The following CTNND2 variants were observed in gnomAD, a reference collection of about 807,000 sequenced individuals.
CTNND2 encodes catenin delta 2.
In CTNND2, 22 loss-of-function variants were observed where a neutral mutation model predicts 144.4. The ratio of observed to expected loss-of-function variants is 0.15; its 90% CI spans 0.11 to 0.22. CTNND2 has a LOEUF of 0.22. Among genes scored for constraint, CTNND2 ranks in the 10% least tolerant of loss-of-function variants. CTNND2 has a pLI of 1.00. For synonymous variants in CTNND2, 751 were observed against 695.6 expected, an observed-to-expected ratio of 1.08 and a Z score of -1.25; for missense variants, 1,353 against 1,618.8, an observed-to-expected ratio of 0.84 and a Z score of 2.82.
At position 11,351,252 on chromosome 5, in the gene CTNND2, G is replaced by T. The variant is rs867365021; in HGVS notation, c.1373-4625C>A. On this transcript the variant is annotated intron_variant, in intron 8 of 21. Transcript: ENST00000304623. Reference sequence around the variant, plus strand: ...ACTCTATCCAATTGAACCCACTCAGGGCAAACACTGGAGAGGGAAGGTGCT... The same window carrying T: ...ACTCTATCCAATTGAACCCACTCAGTGCAAACACTGGAGAGGGAAGGTGCT... Among the ~76,000 whole-genome samples the T allele has an allele frequency of 1.2e-4, 18 of 152,188 alleles. No individual in the cohort carries two copies. The Middle Eastern group carries it at 0.01, about 86-fold the overall frequency.
At chr5:11,117,012 T>C (rs1324543408) in intron 13 of CTNND2, among the ~76,000 whole-genome samples, 1 of 151,930 alleles carries the variant, frequency 6.6e-6, no homozygotes, top group Non-Finnish European at 1.5e-5. Flanking sequence ...TGAGCCTTCA[T>C]TGCACCACTG....
At chr5:11,295,724 A>C (rs572484346) in intron 9 of CTNND2, among the ~76,000 whole-genome samples, 85 of 152,294 alleles carry the variant, frequency 5.6e-4, no homozygotes, top group African/African-American at 1.7e-3. Flanking sequence ...CAAAAACAAG[A>C]AATGGGGAAA....
chr5:11,753,946 G>A (rs1295770847), intron 1 of CTNND2, among the ~76,000 whole-genome samples: 4 of 151,124 alleles, frequency 2.6e-5, no homozygotes, highest in Non-Finnish European at 3.0e-5. Context: ...AGGCTTTCTA[G>A]TGCATAGAGG....
chr5:11,874,975 T>C lies in CTNND2; in HGVS notation c.37+28842A>G, dbSNP rs565294461. Among the ~76,000 whole-genome samples the C allele has an allele frequency of 4.1e-5, 4 of 98,724 alleles. No homozygotes were observed. The East Asian group carries it at 6.8e-4, about 17-fold the overall frequency. The allele number at this position is 98,724 out of a possible 152,430, so 64.8% of individuals were successfully genotyped here. A position where few individuals can be genotyped will look rare whatever the true frequency, so the allele number is the denominator to read the frequency against. Reference sequence around the variant, plus strand: ...GTGATGAGGTGATTCTTTCAAACAATTGTGAAAAAAATACATAAATAATCT... The same window carrying C: ...GTGATGAGGTGATTCTTTCAAACAACTGTGAAAAAAATACATAAATAATCT... On this transcript the variant is annotated intron_variant, in intron 1 of 21. Transcript: ENST00000304623.
intron 16 of CTNND2, among the ~76,000 whole-genome samples, chr5:11,040,566 T>C (rs904493347): frequency 6.6e-6 from 1 of 152,192 alleles, no homozygotes; most frequent in African/African-American, 2.4e-5. Flanking sequence ...ACTGTTGAAG[T>C]GTGAAGAACT....
At chr5:11,531,310 G>GC (rs1012609889) in intron 3 of CTNND2, among the ~76,000 whole-genome samples, 1 of 152,064 alleles carries the variant, frequency 6.6e-6, no homozygotes, top group Non-Finnish European at 1.5e-5. Flanking sequence ...GGGAAACACG[G>GC]CCCCCCACAC....
intron 2 of CTNND2, among the ~76,000 whole-genome samples, chr5:11,632,274 G>A (rs1781450232): frequency 1.3e-5 from 2 of 152,106 alleles, no homozygotes; most frequent in Non-Finnish European, 1.5e-5. Context: ...GATTCATAGG[G>A]GGATGAAAAA....
intron 10 of CTNND2, among the ~76,000 whole-genome samples, chr5:11,209,376 T>A (rs1162592180): frequency 6.6e-6 from 1 of 152,164 alleles, no homozygotes; most frequent in African/African-American, 2.4e-5. Context: ...ACAGAATGGA[T>A]AACCAGGAAA....
intron 9 of CTNND2, among the ~76,000 whole-genome samples, chr5:11,254,672 G>A (rs747842287): frequency 1.3e-5 from 2 of 152,090 alleles, no homozygotes; most frequent in Non-Finnish European, 2.9e-5. Flanking sequence ...AGTGGAAGAC[G>A]GTCTAGAAAT....
intron 16 of CTNND2, among the ~76,000 whole-genome samples, chr5:11,072,172 G>A (rs902888775): frequency 1.3e-5 from 2 of 152,204 alleles, no homozygotes; most frequent in African/African-American, 4.8e-5. Context: ...GTCTCAAGGT[G>A]AGGACCACAG....
At chr5:11,172,727 G>A (rs911991141) in intron 11 of CTNND2, among the ~76,000 whole-genome samples, 7 of 152,180 alleles carry the variant, frequency 4.6e-5, no homozygotes, top group African/African-American at 7.2e-5. Flanking sequence ...AAGATGCAGC[G>A]TGGAGCTTCC....
intron 1 of CTNND2, among the ~76,000 whole-genome samples, chr5:11,865,089 G>C (rs1795695439): frequency 6.6e-6 from 1 of 151,750 alleles, no homozygotes; most frequent in Non-Finnish European, 1.5e-5. Flanking sequence ...GAGACAAGGT[G>C]TCTCTATGTT....
At chr5:11,305,494 G>A (rs1750096668) in intron 9 of CTNND2, among the ~76,000 whole-genome samples, 1 of 152,154 alleles carries the variant, frequency 6.6e-6, no homozygotes, top group African/African-American at 2.4e-5. Flanking sequence ...CACTGATGTA[G>A]GTGGCTCTTG....
chr5:11,168,233 A>G (rs772716911), intron 11 of CTNND2, among the ~76,000 whole-genome samples: 1 of 152,202 alleles, frequency 6.6e-6, no homozygotes, highest in African/African-American at 2.4e-5. Context: ...ATGTTTACCA[A>G]AAAGGCACAA....
chr5:11,731,824 T>A (rs1035647276), intron 2 of CTNND2, among the ~76,000 whole-genome samples: 3 of 152,172 alleles, frequency 2.0e-5, no homozygotes, highest in African/African-American at 7.2e-5. Context: ...AGACTAATTA[T>A]TTCACTTTGT....
intron 1 of CTNND2, among the ~76,000 whole-genome samples, chr5:11,828,387 G>T (rs920784504): frequency 1.3e-5 from 2 of 152,062 alleles, no homozygotes; most frequent in South Asian, 4.1e-4. Context: ...AGAATAAGCT[G>T]GGCATGGTGG....
At chr5:11,302,759 C>A (rs1185473258) in intron 9 of CTNND2, among the ~76,000 whole-genome samples, 2 of 152,086 alleles carry the variant, frequency 1.3e-5, no homozygotes, top group East Asian at 3.9e-4. Context: ...TAGCAGCTGG[C>A]AGGAAAATGA....
At chr5:11,339,775 A>G (rs1182093925) in intron 9 of CTNND2, among the ~76,000 whole-genome samples, 3 of 152,278 alleles carry the variant, frequency 2.0e-5, no homozygotes, top group South Asian at 2.1e-4. Flanking sequence ...CTGCAGAAAG[A>G]GCCCTCACTA....
chr5:11,056,608 G>A (rs1289854088), intron 16 of CTNND2, among the ~76,000 whole-genome samples: 1 of 152,136 alleles, frequency 6.6e-6, no homozygotes, highest in Non-Finnish European at 1.5e-5. Context: ...ATGTGTTATT[G>A]TGCCCAGCTT....
Sources: gnomAD v4.1 joint callset for allele counts (sites outside exome capture counted in the v4.1 genomes callset) on GRCh38, gnomAD v4.1.1 for gene constraint, MANE v1.5 for transcripts, NCBI Gene and HGNC (gene_info 2026-07-23, HGNC 2026-07-21) for gene names.